The following KALRN variants were observed in gnomAD, a reference collection of about 807,000 sequenced individuals.
KALRN encodes kalirin RhoGEF kinase.
A neutral mutation model predicts 353.7 loss-of-function variants in KALRN; 70 were observed. That is an observed-to-expected ratio of 0.20 (90% CI 0.16 to 0.24). The LOEUF is 0.24. KALRN is among the 10% of genes least tolerant of loss of function. The pLI, the probability that KALRN is intolerant of heterozygous loss-of-function variation, is 1.00. For missense variants in KALRN, 2,791 were observed against 3,756.7 expected, an observed-to-expected ratio of 0.74 and a Z score of 6.72; for synonymous variants, 1,391 against 1,434.8, an observed-to-expected ratio of 0.97 and a Z score of 0.69.
chr3:124,553,636 C>G (rs1291938524), intron 33 of KALRN, among the ~76,000 whole-genome samples: 1 of 152,216 alleles, frequency 6.6e-6, no homozygotes, highest in African/African-American at 2.4e-5. Context: ...CTATAGGTAG[C>G]CTTGGGATTT....
At chr3:124,428,003 G>A (rs750343159) in intron 15 of KALRN, among the ~76,000 whole-genome samples, 4 of 151,966 alleles carry the variant, frequency 2.6e-5, no homozygotes, top group Non-Finnish European at 5.9e-5. Flanking sequence ...TGAGCCTTAG[G>A]GAGCTTAAAT....
In KALRN at chr3:124,617,195, A is replaced by G. The variant is rs147531827; in HGVS notation, c.5183-15225A>G. On this transcript the variant is annotated intron_variant, in intron 34 of 59. Transcript: ENST00000682506. ...AAAAATTTAAAAAAATTAGCTGGGC[A>G]TGGTGGCATGAGGCTATAGTCTCAG... is the stretch of plus-strand genomic sequence containing the variant. Among the ~76,000 whole-genome samples the G allele has an allele frequency of 9.1e-3, 1,388 of 152,138 alleles. 18 individuals carry two copies. Among genetic ancestry groups the G allele is most frequent in the African/African-American group, 0.032 (1,314 of 41,506 alleles).
chr3:124,642,603 C>A (rs999274774), intron 37 of KALRN, among the ~76,000 whole-genome samples: 6 of 152,034 alleles, frequency 3.9e-5, no homozygotes, highest in Non-Finnish European at 8.8e-5. Flanking sequence ...AAGAACATGG[C>A]CACAGCCAGG....
intron 34 of KALRN, among the ~76,000 whole-genome samples, chr3:124,613,937 A>G (rs2078268535): frequency 6.6e-6 from 1 of 152,204 alleles, no homozygotes; most frequent in African/African-American, 2.4e-5. Context: ...TTAGTAACAT[A>G]TTTGGGTAGT....
chr3:124,359,480 A>T (rs535942835), intron 10 of KALRN, among the ~76,000 whole-genome samples: 2 of 152,220 alleles, frequency 1.3e-5, no homozygotes, highest in African/African-American at 2.4e-5. Flanking sequence ...CCCTATCTCC[A>T]TATGAGATGT....
At chr3:124,459,377 T>C (rs563393793) in intron 23 of KALRN, among the ~76,000 whole-genome samples, 4 of 152,214 alleles carry the variant, frequency 2.6e-5, no homozygotes, top group Non-Finnish European at 5.9e-5. Context: ...TTTTCATAAA[T>C]TGAACTCTGT....
intron 34 of KALRN, among the ~76,000 whole-genome samples, chr3:124,621,178 A>AGATT: frequency 6.6e-6 from 1 of 152,150 alleles, no homozygotes; most frequent in African/African-American, 2.4e-5. Flanking sequence ...TGGCTCAGAT[A>AGATT]TCTGTACACA....
chr3:124,695,379 G>A (rs1474472815), intron 53 of KALRN, among the ~76,000 whole-genome samples: 1 of 152,202 alleles, frequency 6.6e-6, no homozygotes, highest in African/African-American at 2.4e-5. Context: ...CTTAATTTGT[G>A]TGTATGGGAA....
chr3:124,184,541 A>G (rs1450282870), intron 1 of KALRN, among the ~76,000 whole-genome samples: 1 of 152,100 alleles, frequency 6.6e-6, no homozygotes, highest in Non-Finnish European at 1.5e-5. Flanking sequence ...CTCTCCTATC[A>G]TATTCTCTCC....
intron 3 of KALRN, among the ~76,000 whole-genome samples, chr3:124,263,251 C>T (rs555872598): frequency 6.6e-6 from 1 of 152,294 alleles, no homozygotes; most frequent in South Asian, 2.1e-4. Flanking sequence ...GTCACTCCTC[C>T]CCCATCGTCC....
intron 33 of KALRN, among the ~76,000 whole-genome samples, chr3:124,551,989 C>T (rs2109591378): frequency 6.6e-6 from 1 of 152,308 alleles, no homozygotes; most frequent in African/African-American, 2.4e-5. Flanking sequence ...CCTCTCTGAG[C>T]CTCAATTTCC....
intron 34 of KALRN, among the ~76,000 whole-genome samples, chr3:124,632,120 T>C (rs2080852254): frequency 6.6e-6 from 1 of 152,240 alleles, no homozygotes; most frequent in Non-Finnish European, 1.5e-5. Flanking sequence ...TTGCTTATTT[T>C]ATTTTTATAG....
chr3:124,220,400 GTA>G (rs1323721733), intron 1 of KALRN, among the ~76,000 whole-genome samples: 26 of 151,608 alleles, frequency 1.7e-4, no homozygotes, highest in Admixed American at 5.9e-4. Context: ...GTGTGTGTGT[GTA>G]TGTGTGTGTG....
intron 50 of KALRN, among the ~76,000 whole-genome samples, chr3:124,678,984 GGACCAAT>G (rs574445706): frequency 4.6e-5 from 1 of 21,782 alleles, no homozygotes; most frequent in Non-Finnish European, 8.6e-5. Flanking sequence ...ATCTGCCAAT[GGACCAAT>G]GGACAATGGA....
intron 1 of KALRN, among the ~76,000 whole-genome samples, chr3:124,037,921 G>C (rs898477061): frequency 1.3e-5 from 2 of 151,352 alleles, no homozygotes; most frequent in Non-Finnish European, 2.9e-5. Flanking sequence ...CATGAAGCAT[G>C]GGGGGGGCGA....
chr3:124,238,244 A>C (rs1031808365), intron 3 of KALRN, among the ~76,000 whole-genome samples: 1 of 151,276 alleles, frequency 6.6e-6, no homozygotes, highest in African/African-American at 2.4e-5. Context: ...AGAAAAAAAA[A>C]CAACAAAAAA....
At chr3:124,603,528 C>T (rs1163655043) in intron 34 of KALRN, among the ~76,000 whole-genome samples, 1 of 152,108 alleles carries the variant, frequency 6.6e-6, no homozygotes, top group Non-Finnish European at 1.5e-5. Flanking sequence ...CCTTCCTGTC[C>T]CTGGCTCTCC....
intron 33 of KALRN, among the ~76,000 whole-genome samples, chr3:124,532,107 G>A (rs1261757344): frequency 6.6e-6 from 1 of 152,050 alleles, no homozygotes; most frequent in Non-Finnish European, 1.5e-5. Flanking sequence ...TTGGCATCTG[G>A]CATAAGATTC....
intron 1 of KALRN, among the ~76,000 whole-genome samples, chr3:124,090,683 T>G (rs1460699350): frequency 6.6e-6 from 1 of 152,036 alleles, no homozygotes; most frequent in Non-Finnish European, 1.5e-5. Flanking sequence ...GCACTAGAAT[T>G]CAAGATAGTG....
Sources: gnomAD v4.1 joint callset for allele counts (sites outside exome capture counted in the v4.1 genomes callset) on GRCh38, gnomAD v4.1.1 for gene constraint, MANE v1.5 for transcripts, NCBI Gene and HGNC (gene_info 2026-07-23, HGNC 2026-07-21) for gene names.